Variants in PEX5L observed in about 807,000 individuals in gnomAD.
PEX5L encodes the protein peroxisomal biogenesis factor 5 like.
A neutral mutation model predicts 84.0 loss-of-function variants in PEX5L; 30 were observed. The observed-to-expected ratio is 0.36, with a 90% CI of 0.27 to 0.48. The LOEUF (loss-of-function observed/expected upper bound fraction) is 0.48, where lower values mean the gene tolerates loss of function less well. Among genes scored for constraint, PEX5L ranks in the 20% least tolerant of loss-of-function variants. The probability of loss-of-function intolerance (pLI) is 0.99; values close to 1 mark genes in which losing one functional copy is unlikely to be tolerated. For missense variants in PEX5L, 533 were observed against 754.6 expected (o/e 0.71, Z 3.44); for synonymous variants, 270 against 283.1 (o/e 0.95, Z 0.46).
At chr3:179,861,685 C>T (rs1174138336) in intron 7 of PEX5L, among the ~76,000 whole-genome samples, 1 of 152,136 alleles carries the variant, frequency 6.6e-6, no homozygotes, top group Non-Finnish European at 1.5e-5. Context: ...GGGAGGGTGA[C>T]CTGAAACATA....
chr3:179,860,339 C>T (rs967525880), intron 7 of PEX5L, among the ~76,000 whole-genome samples: 1 of 152,130 alleles, frequency 6.6e-6, no homozygotes. Context: ...TCCCCGGTCC[C>T]TTTTATTATA....
At chr3:179,904,012 C>A (rs1001799034) in intron 2 of PEX5L, among the ~76,000 whole-genome samples, 1 of 152,204 alleles carries the variant, frequency 6.6e-6, no homozygotes, top group East Asian at 1.9e-4. Flanking sequence ...GTGGAATTTA[C>A]AATCCATGAT....
chr3:179,873,628 T>C (rs979372200), intron 7 of PEX5L, among the ~76,000 whole-genome samples: 2 of 152,218 alleles, frequency 1.3e-5, no homozygotes, highest in Non-Finnish European at 2.9e-5. Context: ...GTTCAAGTAA[T>C]GGACAGACAG....
chr3:179,927,725 A>T (rs1402115348), intron 2 of PEX5L, among the ~76,000 whole-genome samples: 1 of 152,190 alleles, frequency 6.6e-6, no homozygotes, highest in Non-Finnish European at 1.5e-5. Context: ...AAAACCAAAC[A>T]AAACCTGCCC....
At chr3:180,007,978 T>C (rs540934554) in intron 1 of PEX5L, among the ~76,000 whole-genome samples, 2 of 152,368 alleles carry the variant, frequency 1.3e-5, no homozygotes, top group South Asian at 4.1e-4. Context: ...GGATTAACAT[T>C]AGGCTCCTTG....
At chr3:179,938,989 G>T (rs1560808750) in intron 2 of PEX5L, among the ~76,000 whole-genome samples, 1 of 152,182 alleles carries the variant, frequency 6.6e-6, no homozygotes, top group South Asian at 2.1e-4. Context: ...CATAAAACAC[G>T]AGCCCTGAAA....
At chr3:179,997,853 T>C (rs1019271888) in intron 1 of PEX5L, among the ~76,000 whole-genome samples, 3 of 152,200 alleles carry the variant, frequency 2.0e-5, no homozygotes, top group African/African-American at 4.8e-5. Flanking sequence ...CAGAAGCAAT[T>C]TGTCTTCAGC....
In PEX5L at chr3:179,945,669, C is replaced by T. The variant is rs149044409; in HGVS notation, c.93+25925G>A. 5.7e-3 allele frequency among the ~76,000 whole-genome samples: 872 copies of T among 152,258 alleles called. 2 individuals are homozygous for T. Among genetic ancestry groups the T allele is most frequent in the Non-Finnish European group, 9.2e-3 (624 of 68,024 alleles). On this transcript the variant is annotated intron_variant, in intron 2 of 14. Coordinates refer to ENST00000467460, the MANE Select transcript of PEX5L (RefSeq NM_016559.3). ...AAACATTTAACAGAATTGTACCTTC[C>T]GTCCATGGGAAGACACCTTTCCTTG... is the stretch of plus-strand genomic sequence containing the variant.
At chr3:179,950,341 A>C (rs1226239104) in intron 2 of PEX5L, among the ~76,000 whole-genome samples, 33 of 148,774 alleles carry the variant, frequency 2.2e-4, no homozygotes, top group Non-Finnish European at 1.5e-5. Flanking sequence ...GCGGAACATC[A>C]CACACTGGGG....
At chr3:179,944,345 T>C (rs565112473) in intron 2 of PEX5L, among the ~76,000 whole-genome samples, 1 of 152,332 alleles carries the variant, frequency 6.6e-6, no homozygotes, top group Admixed American at 6.5e-5. Flanking sequence ...TGGTCCCCAC[T>C]AGAAAGGCTC....
At chr3:179,806,331 A>G (rs1721305165) in intron 14 of PEX5L, among the ~76,000 whole-genome samples, 1 of 152,180 alleles carries the variant, frequency 6.6e-6, no homozygotes. Flanking sequence ...GCTTTTGCAC[A>G]GCTGATGTAA....
rs369361167 is a variant in PEX5L, at chr3:179,819,873, G to A, written c.926C>T (p.Ser309Leu). The A allele has an allele frequency of 2.2e-5, 36 of 1,613,878 alleles. No individual in the cohort carries two copies. Among genetic ancestry groups the A allele is most frequent in the Admixed American group, 1.8e-4 (11 of 59,990 alleles). The change falls in exon 9 of 15, where the codon TCG becomes TTG. Residue 309 changes from serine (S) to leucine (L), a missense_variant. By Grantham distance (145) the Ser-to-Leu change is moderately radical (BLOSUM62 -2). This residue lies in a region of PEX5L where 58 missense variants were observed against 56.4 expected (regional missense o/e 1.03). Transcript: ENST00000467460. ...NQEAQNQVTI[S>L]ASEKGYYFHT... is the part of the protein sequence containing the mutation. ...AGAATTGGTTACCTTCTCACTAGCC[G>A]AGATGGTTACTTGGTTCTGGGCTTC...
chr3:180,000,821 A>G (rs1304384412), intron 1 of PEX5L, among the ~76,000 whole-genome samples: 1 of 152,118 alleles, frequency 6.6e-6, no homozygotes, highest in African/African-American at 2.4e-5. Flanking sequence ...GTACGAGGAT[A>G]GTTGTATTAT....
In PEX5L at chr3:179,919,208, A is replaced by G. The variant is rs183154379; in HGVS notation, c.94-20962T>C. 3.2e-3 allele frequency among the ~76,000 whole-genome samples: 484 copies of G among 152,344 alleles called. 2 individuals are homozygous for G. The highest frequency in any genetic ancestry group is 5.2e-3 in the Non-Finnish European group (355 of 68,026). ...AATGGAATCCTTGAAACACTCCAGC[A>G]AAGTAGGTTCTAATACTTCCTTTAA... On this transcript the variant is annotated intron_variant, in intron 2 of 14. Coordinates refer to ENST00000467460, the MANE Select transcript of PEX5L (RefSeq NM_016559.3).
chr3:180,024,305 T>A (rs1342600121), intron 1 of PEX5L, among the ~76,000 whole-genome samples: 2 of 143,854 alleles, frequency 1.4e-5, no homozygotes, highest in Admixed American at 7.1e-5. Flanking sequence ...GTCAGGAGAT[T>A]GAGACCATCC....
chr3:179,997,699 CT>C (rs749139034), intron 1 of PEX5L, among the ~76,000 whole-genome samples: 5 of 152,226 alleles, frequency 3.3e-5, no homozygotes, highest in Non-Finnish European at 7.3e-5. Context: ...TTATTATAAG[CT>C]TAACCAAGTG....
At chr3:179,817,505 T>C (rs768203464) in intron 9 of PEX5L, among the ~76,000 whole-genome samples, 1 of 152,172 alleles carries the variant, frequency 6.6e-6, no homozygotes, top group Non-Finnish European at 1.5e-5. Flanking sequence ...CTTATTACCT[T>C]AGGATAGACT....
chr3:179,935,173 T>G (rs1395881408), intron 2 of PEX5L, among the ~76,000 whole-genome samples: 1 of 152,138 alleles, frequency 6.6e-6, no homozygotes, highest in Admixed American at 6.5e-5. Flanking sequence ...AAAATGATAC[T>G]TTTGAATAAT....
chr3:179,995,715 C>T (rs1787825480), intron 1 of PEX5L, among the ~76,000 whole-genome samples: 1 of 152,176 alleles, frequency 6.6e-6, no homozygotes, highest in Non-Finnish European at 1.5e-5. Flanking sequence ...ATTGCCCTGA[C>T]TGAGAGTCTT....
Sources: allele counts gnomAD v4.1 joint callset (sites outside exome capture counted in the v4.1 genomes callset), GRCh38; gene constraint gnomAD v4.1.1; regional missense constraint gnomAD v4.1.1; transcripts MANE v1.5; gene names NCBI Gene and HGNC (gene_info 2026-07-23, HGNC 2026-07-21).